Variants in ARHGAP42 observed in about 807,000 individuals in gnomAD.
ARHGAP42 encodes Rho GTPase activating protein 42.
In ARHGAP42, 63 loss-of-function variants were observed where a neutral mutation model predicts 125.0. That is an observed-to-expected ratio of 0.50 (90% CI 0.41 to 0.62). The LOEUF (loss-of-function observed/expected upper bound fraction) is 0.62. Among genes scored for constraint, ARHGAP42 ranks in the 20% least tolerant of loss-of-function variants. The pLI, the probability that ARHGAP42 is intolerant of heterozygous loss-of-function variation, is 0.00. For missense variants in ARHGAP42, 766 were observed against 1,024.2 expected (o/e 0.75, Z 3.44); for synonymous variants, 339 against 351.0 (o/e 0.97, Z 0.38).
At chr11:100,962,357 G>A in intron 15 of ARHGAP42, 52 bp from the exon 16 acceptor site, 1 of 1,404,930 alleles carries the variant, frequency 7.1e-7, no homozygotes, top group Non-Finnish European at 9.8e-7. Context: ...AACGTTTAGG[G>A]GAGAATAAAA....
intron 5 of ARHGAP42, among the ~76,000 whole-genome samples, chr11:100,914,220 C>T (rs1001125813): frequency 6.6e-6 from 1 of 152,144 alleles, no homozygotes; most frequent in Non-Finnish European, 1.5e-5. Flanking sequence ...CAGGCATGAA[C>T]CACTGTGCCC....
In ARHGAP42 at chr11:100,992,220, T is replaced by C. The variant is rs113121016; in HGVS notation, c.*3419T>C. 2.8e-6 allele frequency: 4 copies of C among 1,420,922 alleles called. No homozygotes were observed. Among genetic ancestry groups the C allele is most frequent in the Admixed American group, 2.5e-5 (1 of 39,966 alleles). The allele number at this position is 1,420,922 out of a possible 1,614,324, so 88.0% of individuals were successfully genotyped here. A position where few individuals can be genotyped will look rare whatever the true frequency, so the allele number is the denominator to read the frequency against. On this transcript the variant is annotated 3_prime_UTR_variant, in exon 24 of 24. Transcript: ENST00000298815. ...GCATTTAGAACCCCAACTAGACTTA[T>C]ACTTTGACTAAAGTCAGAGGCAGAC...
chr11:100,897,823 A>C (rs1253621679), intron 4 of ARHGAP42, among the ~76,000 whole-genome samples: 1 of 151,850 alleles, frequency 6.6e-6, no homozygotes, highest in African/African-American at 2.4e-5. Flanking sequence ...CTGATTGAAT[A>C]CTCTTTATTT....
chr11:100,823,050 C>G (rs1392087748), intron 3 of ARHGAP42, among the ~76,000 whole-genome samples: 1 of 152,082 alleles, frequency 6.6e-6, no homozygotes, highest in Non-Finnish European at 1.5e-5. Flanking sequence ...ACTAGAATCT[C>G]CAATTTTCCC....
intron 4 of ARHGAP42, among the ~76,000 whole-genome samples, chr11:100,903,936 G>T (rs1186576631): frequency 6.6e-6 from 1 of 151,408 alleles, no homozygotes; most frequent in Admixed American, 6.6e-5. Flanking sequence ...GGGAGACTAG[G>T]CCTGTCTCTC....
intron 3 of ARHGAP42, among the ~76,000 whole-genome samples, chr11:100,799,669 T>C (rs1420503958): frequency 6.6e-6 from 1 of 152,136 alleles, no homozygotes; most frequent in Admixed American, 6.5e-5. Context: ...AGATCTTGTG[T>C]AAATAGTTCA....
Position 100,992,877 on chromosome 11 carries a change from G to T in ARHGAP42, c.*4076G>T, listed in dbSNP as rs1858877118. ...ATGATTACAAGGTGTCTGTGGTTTAGGGGGCCCAGCCCATCATTCCTTTTC... is the reference window on the plus strand; with the variant it reads ...ATGATTACAAGGTGTCTGTGGTTTATGGGGCCCAGCCCATCATTCCTTTTC... On this transcript the variant is annotated 3_prime_UTR_variant, in exon 24 of 24. Transcript: ENST00000298815. 1 of 679,162 alleles carries T rather than the reference G, an allele frequency of 1.5e-6. No individual in the cohort carries two copies. Among genetic ancestry groups the T allele is most frequent in the Non-Finnish European group, 2.4e-6 (1 of 418,336 alleles). 42.1% of individuals were successfully genotyped at this position (679,162 alleles called of 1,614,324 possible). A position where few individuals can be genotyped will look rare whatever the true frequency, so the allele number is the denominator to read the frequency against.
chr11:100,970,583 T>TA (rs146888234), intron 17 of ARHGAP42, among the ~76,000 whole-genome samples: 7,472 of 148,240 alleles, frequency 0.05, 317 homozygotes, highest in East Asian at 0.26. Flanking sequence ...CCAGGTCACT[T>TA]AAAAAAAAAA....
Position 100,993,259 on chromosome 11 carries a change from GTGCATTTTATATAAAGA to G in ARHGAP42, c.*4474_*4490del, listed in dbSNP as rs1464078201. ...TTACTCAGTCTTATAAATTAAAAAT[GTGCATTTTATATAAAGA>G]TGCATTTTATATAAAAATGCACACC... On this transcript the variant is annotated 3_prime_UTR_variant, in exon 24 of 24. Transcript: ENST00000298815. 1.8e-5 allele frequency: 3 copies of G among 166,932 alleles called. No individual in the cohort carries two copies. Among genetic ancestry groups the G allele is most frequent in the Non-Finnish European group, 2.9e-5 (2 of 68,224 alleles). 10.3% of individuals were successfully genotyped at this position (166,932 alleles called of 1,614,324 possible).
chr11:100,915,739 T>TAC (rs1867044622), intron 5 of ARHGAP42, among the ~76,000 whole-genome samples: 1 of 152,080 alleles, frequency 6.6e-6, no homozygotes, highest in Non-Finnish European at 1.5e-5. Flanking sequence ...ACTCCACAAG[T>TAC]ACACACACAC....
Position 100,914,442 on chromosome 11 carries a change from G to C in ARHGAP42, c.486+889G>C, listed in dbSNP as rs915248788. Among the ~76,000 whole-genome samples, 5 of 151,730 alleles carry C rather than the reference G, an allele frequency of 3.3e-5. No homozygotes were observed. In the Admixed American group the frequency reaches 3.3e-4, roughly 10 times the overall value. On this transcript the variant is annotated intron_variant, in intron 5 of 23. Transcript: ENST00000298815. ...AAGGAATAATGTAGTTCCAATTTCA[G>C]TGACAAAGTGTGTCCAAAAAAAATA...
In ARHGAP42 at chr11:100,962,340, A is replaced by C. The variant is rs1367171259; in HGVS notation, c.1386-69A>C. 4 of 1,245,498 alleles carry C rather than the reference A, an allele frequency of 3.2e-6. No individual in the cohort carries two copies. The African/African-American group carries it at 6.1e-5, about 19-fold the overall frequency. 77.2% of individuals were successfully genotyped at this position (1,245,498 alleles called of 1,614,324 possible). A position where few individuals can be genotyped will look rare whatever the true frequency, so the allele number is the denominator to read the frequency against. On this transcript the variant is annotated intron_variant, in intron 15 of 23. Transcript: ENST00000298815. The stretch of plus-strand genomic sequence containing the variant: ...ATAACAGTCACCTAATTCTTAAAGA[A>C]ACACTTAACGTTTAGGGGAGAATAA...
intron 3 of ARHGAP42, among the ~76,000 whole-genome samples, chr11:100,856,604 C>G (rs191243562): frequency 6.6e-6 from 1 of 152,162 alleles, no homozygotes. Context: ...AGAGGTAGAG[C>G]CAGGCATTTG....
intron 1 of ARHGAP42, among the ~76,000 whole-genome samples, chr11:100,735,143 G>C (rs557527874): frequency 9.2e-5 from 14 of 152,362 alleles, no homozygotes; most frequent in Admixed American, 9.1e-4. Flanking sequence ...GTGGTGAAGA[G>C]TTGGACTTGA....
intron 3 of ARHGAP42, among the ~76,000 whole-genome samples, chr11:100,806,133 C>A (rs909776677): frequency 2.0e-5 from 3 of 152,190 alleles, no homozygotes; most frequent in Non-Finnish European, 2.9e-5. Flanking sequence ...AATCCTTTGA[C>A]AGTTCCCACA....
chr11:100,847,085 T>TA (rs1425303799), intron 3 of ARHGAP42, among the ~76,000 whole-genome samples: 1 of 152,126 alleles, frequency 6.6e-6, no homozygotes, highest in Non-Finnish European at 1.5e-5. Flanking sequence ...AACCCACTTG[T>TA]AAAAAGCATG....
chr11:100,795,879 G>A (rs1347669863), intron 3 of ARHGAP42, among the ~76,000 whole-genome samples: 1 of 152,164 alleles, frequency 6.6e-6, no homozygotes, highest in Non-Finnish European at 1.5e-5. Context: ...TGGTGATAAC[G>A]ATGCTGATAG....
chr11:100,715,048 C>CAAAAAAAA (rs36017086), intron 1 of ARHGAP42, among the ~76,000 whole-genome samples: 1 of 61,896 alleles, frequency 1.6e-5, no homozygotes, highest in Non-Finnish European at 2.8e-5. Flanking sequence ...AACCCTATCT[C>CAAAAAAAA]AAAAAAAAAA....
intron 2 of ARHGAP42, among the ~76,000 whole-genome samples, chr11:100,793,525 A>G (rs998086769): frequency 3.9e-5 from 6 of 152,244 alleles, no homozygotes; most frequent in African/African-American, 1.4e-4. Context: ...AGGGTTTAAT[A>G]TTTCACACCA....
Sources: allele counts gnomAD v4.1 joint callset (sites outside exome capture counted in the v4.1 genomes callset), GRCh38; gene constraint gnomAD v4.1.1; transcripts MANE v1.5; gene names NCBI Gene and HGNC (gene_info 2026-07-23, HGNC 2026-07-21).